RBFOX1: variants seen among roughly 807,000 people sequenced by gnomAD.
The protein encoded by RBFOX1 is RNA binding fox-1 homolog 1.
A neutral mutation model predicts 57.7 loss-of-function variants in RBFOX1; 8 were observed. That is an observed-to-expected ratio of 0.14 (90% CI 0.08 to 0.25). RBFOX1 has a LOEUF of 0.25. Among genes scored for constraint, RBFOX1 ranks in the 10% least tolerant of loss-of-function variants. RBFOX1 has a pLI of 1.00. For missense variants in RBFOX1, 611 were observed against 548.5 expected, an observed-to-expected ratio of 1.11 and a Z score of -1.14; for synonymous variants, 326 against 222.4, an observed-to-expected ratio of 1.47 and a Z score of -4.15.
intron 3 of RBFOX1, among the ~76,000 whole-genome samples, chr16:6,896,654 C>A (rs1285153023): frequency 1.3e-5 from 2 of 152,118 alleles, no homozygotes; most frequent in Admixed American, 1.3e-4. Context: ...TAGAACAGTG[C>A]TTGGGCATCA....
chr16:7,450,615 C>T (rs868409075), intron 4 of RBFOX1, among the ~76,000 whole-genome samples: 2 of 152,062 alleles, frequency 1.3e-5, no homozygotes, highest in African/African-American at 2.4e-5. Context: ...TCTGGGATTC[C>T]AGGCTCCTTT....
At chr16:5,793,557 C>T (rs1214657455) in intron 3 of RBFOX1, among the ~76,000 whole-genome samples, 1 of 152,160 alleles carries the variant, frequency 6.6e-6, no homozygotes, top group African/African-American at 2.4e-5. Flanking sequence ...AAGAGGTGGG[C>T]GTCCCTCCCT....
chr16:6,843,485 G>C (rs981817060), intron 3 of RBFOX1, among the ~76,000 whole-genome samples: 2 of 152,036 alleles, frequency 1.3e-5, no homozygotes, highest in South Asian at 2.1e-4. Context: ...TCAGGAGATC[G>C]AGACCATCCT....
intron 4 of RBFOX1, among the ~76,000 whole-genome samples, chr16:7,059,662 A>G (rs1441856030): frequency 6.6e-6 from 1 of 152,196 alleles, no homozygotes; most frequent in Non-Finnish European, 1.5e-5. Context: ...TACCAGATTA[A>G]TACATACTGT....
chr16:5,425,829 C>T (rs951768845), intron 1 of RBFOX1, among the ~76,000 whole-genome samples: 4 of 152,072 alleles, frequency 2.6e-5, no homozygotes, highest in African/African-American at 7.2e-5. Context: ...GAGAGTTGGG[C>T]GGGCTCATTC....
chr16:5,748,822 C>G (rs2053083058), intron 3 of RBFOX1, among the ~76,000 whole-genome samples: 1 of 152,168 alleles, frequency 6.6e-6, no homozygotes, highest in Non-Finnish European at 1.5e-5. Flanking sequence ...GACTCTTTAT[C>G]CAATTTGCCA....
At chr16:7,643,082 C>T (rs1278416808) in intron 11 of RBFOX1, among the ~76,000 whole-genome samples, 1 of 152,202 alleles carries the variant, frequency 6.6e-6, no homozygotes, top group Non-Finnish European at 1.5e-5. Context: ...AGGAAAGATA[C>T]AACAGCTAAC....
chr16:6,019,726 C>A lies in RBFOX1; in HGVS notation c.-393C>A, dbSNP rs2095030287. On this transcript the variant is annotated 5_prime_UTR_variant, in exon 1 of 16. Transcript: ENST00000550418. The surrounding 1 kb of genome is among the most constrained non-coding windows in gnomAD (Gnocchi z 4.2). ...GCAGAGAGAGCAGGAGCGGACCGCGCGCCCGGGATTGAGAGTCCTTGCGCT... is the reference window on the plus strand; with the variant it reads ...GCAGAGAGAGCAGGAGCGGACCGCGAGCCCGGGATTGAGAGTCCTTGCGCT... The A allele has an allele frequency of 5.8e-6, 8 of 1,371,082 alleles. No individual in the cohort carries two copies. The highest frequency in any genetic ancestry group is 1.5e-5 in the African/African-American group (1 of 66,136). 84.9% of individuals were successfully genotyped at this position (1,371,082 alleles called of 1,614,324 possible).
intron 1 of RBFOX1, among the ~76,000 whole-genome samples, chr16:5,389,777 G>A (rs188677940): frequency 1.4e-4 from 21 of 151,252 alleles, no homozygotes; most frequent in African/African-American, 4.1e-4. Flanking sequence ...AGCTCACTGC[G>A]ACTTCCATCA....
intron 1 of RBFOX1, among the ~76,000 whole-genome samples, chr16:6,244,233 T>C (rs2097556500): frequency 1.3e-5 from 2 of 152,138 alleles, no homozygotes; most frequent in Admixed American, 1.3e-4. Context: ...ATATCCCTCC[T>C]TCCAGCAAAA....
chr16:6,746,053 A>G (rs1285585287), intron 3 of RBFOX1, among the ~76,000 whole-genome samples: 1 of 152,242 alleles, frequency 6.6e-6, no homozygotes, highest in Non-Finnish European at 1.5e-5. Flanking sequence ...ACTTAGAGGA[A>G]CAAATCTGAT....
intron 5 of RBFOX1, among the ~76,000 whole-genome samples, chr16:7,521,564 C>T (rs1567649397): frequency 6.6e-6 from 1 of 152,134 alleles, no homozygotes; most frequent in African/African-American, 2.4e-5. Flanking sequence ...GTCCACAGTG[C>T]CCCAGGCACT....
chr16:6,376,885 C>T (rs1329629288), intron 2 of RBFOX1, among the ~76,000 whole-genome samples: 1 of 152,138 alleles, frequency 6.6e-6, no homozygotes, highest in Non-Finnish European at 1.5e-5. Flanking sequence ...CGGCCCTCAG[C>T]TTCGAGATGT....
chr16:6,962,755 C>A lies in RBFOX1; in HGVS notation c.-15-89302C>A, dbSNP rs573026819. Among the ~76,000 whole-genome samples, 3 of 152,164 alleles carry A rather than the reference C, an allele frequency of 2.0e-5. No homozygotes were observed. The Middle Eastern group carries it at 0.01, about 518-fold the overall frequency. On this transcript the variant is annotated intron_variant, in intron 3 of 15. Coordinates refer to ENST00000550418, the MANE Select transcript of RBFOX1 (RefSeq NM_018723.4). ...AGCATGTGTGTGTAGCCCCAGCTAC[C>A]TTAGAAGGCTGAGGTGAAAAGATCA... is the stretch of plus-strand genomic sequence containing the variant.
chr16:5,454,064 G>T (rs1342108805), intron 1 of RBFOX1, among the ~76,000 whole-genome samples: 1 of 152,198 alleles, frequency 6.6e-6, no homozygotes, highest in Non-Finnish European at 1.5e-5. Flanking sequence ...AGGCCAGAGA[G>T]GTGGCTGAGG....
chr16:6,086,552 A>T (rs1252158827), intron 1 of RBFOX1, among the ~76,000 whole-genome samples: 1 of 152,142 alleles, frequency 6.6e-6, no homozygotes, highest in African/African-American at 2.4e-5. Flanking sequence ...TGAACGAAGA[A>T]TCTTTAGTAC....
intron 1 of RBFOX1, among the ~76,000 whole-genome samples, chr16:6,086,891 T>C (rs965881401): frequency 2.6e-5 from 4 of 152,196 alleles, no homozygotes; most frequent in South Asian, 2.1e-4. Context: ...GGGTCTTTCC[T>C]TGTTGAAGGC....
intron 1 of RBFOX1, among the ~76,000 whole-genome samples, chr16:6,177,329 C>G (rs187443588): frequency 1.0e-3 from 157 of 152,124 alleles, no homozygotes; most frequent in Non-Finnish European, 1.9e-3. Flanking sequence ...CACCCAATTT[C>G]CTCTTCCCAG....
At chr16:6,901,455 C>G (rs1449931892) in intron 3 of RBFOX1, among the ~76,000 whole-genome samples, 2 of 152,216 alleles carry the variant, frequency 1.3e-5, no homozygotes, top group African/African-American at 2.4e-5. Context: ...GGTGCCTGGC[C>G]TATGTCTGCC....
Sources: allele counts gnomAD v4.1 joint callset (sites outside exome capture counted in the v4.1 genomes callset), GRCh38; gene constraint gnomAD v4.1.1; non-coding constraint Gnocchi (gnomAD v3.1); transcripts MANE v1.5; gene names NCBI Gene and HGNC (gene_info 2026-07-23, HGNC 2026-07-21).